The following RPGR variants were observed in gnomAD, a reference collection of about 807,000 sequenced individuals.
RPGR encodes the protein retinitis pigmentosa GTPase regulator.
RPGR carries 10 observed loss-of-function variants against 56.3 expected under a neutral mutation model. The observed-to-expected ratio is 0.18, with a 90% CI of 0.11 to 0.30. The LOEUF (loss-of-function observed/expected upper bound fraction) is 0.30. Among genes scored for constraint, RPGR ranks in the 10% least tolerant of loss-of-function variants. The pLI, the probability that RPGR is intolerant of heterozygous loss-of-function variation, is 1.00. For missense variants in RPGR, 538 were observed against 590.9 expected (o/e 0.91, Z 0.93); for synonymous variants, 197 against 212.9 (o/e 0.93, Z 0.65).
rs62638631 is a variant in RPGR at position 38,323,412 on chromosome X, A to C, written c.141T>G (p.Ser47=). The C allele has an allele frequency of 4.2e-4, 512 of 1,204,786 alleles. No individual in the cohort carries two copies. The Middle Eastern group carries it at 9.0e-3, about 21-fold the overall frequency. The change falls in exon 2 of 19, where the codon TCT becomes TCG. Residue 47 remains serine, a synonymous_variant. Transcript: ENST00000642395. ...TGTAATACTAACCGGTAACAACAGC[A>C]GAATGTTCATCTCCACATGAAAGAT...
At chrX:38,319,474 T>C (rs866097799) in intron 4 of RPGR, among the ~76,000 whole-genome samples, 3 of 111,946 alleles carry the variant, frequency 2.7e-5, no homozygotes, top group African/African-American at 9.7e-5. Context: ...CCTAGCTAAA[T>C]AGGAAGGCAC....
At chrX:38,272,895 A>G (rs1044917078) in intron 18 of RPGR, among the ~76,000 whole-genome samples, 1 of 112,183 alleles carries the variant, frequency 8.9e-6, no homozygotes, top group Non-Finnish European at 1.9e-5. Flanking sequence ...TTCAGGAAGA[A>G]TAAGAATTCC....
intron 6 of RPGR, among the ~76,000 whole-genome samples, chrX:38,316,474 G>A (rs2067830877): frequency 9.0e-6 from 1 of 111,686 alleles, no homozygotes; most frequent in African/African-American, 3.3e-5. Context: ...TTGTTTGGTT[G>A]GCTTATTTTC....
rs3896245 is a variant in RPGR at position 38,273,642 on chromosome X, A to C, written c.2150-165T>G. 2,805 of 387,126 alleles carry C rather than the reference A, an allele frequency of 7.2e-3. 53 individuals carry two copies. Among genetic ancestry groups the C allele is most frequent in the African/African-American group, 0.063 (2,514 of 39,712 alleles). The allele number at this position is 387,126 out of a possible 1,213,427, so 31.9% of individuals were successfully genotyped here. A position where few individuals can be genotyped will look rare whatever the true frequency, so the allele number is the denominator to read the frequency against. On this transcript the variant is annotated intron_variant, in intron 17 of 18. Transcript: ENST00000642395. ...ACACTGCATATTTCCTGAAAAGTTG[A>C]GTTAAAGTGAAAAGCCCAGAATGAC... is the stretch of plus-strand genomic sequence containing the variant.
chrX:38,282,393 T>C (rs2067047141), intron 15 of RPGR, among the ~76,000 whole-genome samples: 1 of 111,455 alleles, frequency 9.0e-6, no homozygotes, highest in Non-Finnish European at 1.9e-5. Context: ...CTGACATTTC[T>C]CTGAATTCTG....
At chrX:38,279,301 A>C (rs1448730009) in intron 15 of RPGR, 2 of 292,900 alleles carry the variant, frequency 6.8e-6, no homozygotes, top group Non-Finnish European at 1.3e-5. Context: ...AATGGTCAGT[A>C]TATGTCTGTG....
At chrX:38,291,142 T>C (rs2067273165) in intron 12 of RPGR, 118 bp from the exon 13 acceptor site, 1 of 175,723 alleles carries the variant, frequency 5.7e-6, no homozygotes, top group Non-Finnish European at 1.0e-5. Context: ...TATATATATA[T>C]ATATAAAATG....
intron 15 of RPGR, chrX:38,285,742 T>C: frequency 2.5e-6 from 3 of 1,211,338 alleles, no homozygotes; most frequent in Non-Finnish European, 3.4e-6. Flanking sequence ...GCTCACTTTT[T>C]TGTACTCCTC....
At chrX:38,273,556 T>C (rs771380781) in intron 17 of RPGR, 10 of 757,865 alleles carry the variant, frequency 1.3e-5, no homozygotes, top group Admixed American at 5.1e-5. Context: ...TGAAACTCTA[T>C]GAACCCTGAG....
At chrX:38,292,834 G>C (rs2067310797) in intron 11 of RPGR, among the ~76,000 whole-genome samples, 2 of 111,360 alleles carry the variant, frequency 1.8e-5, no homozygotes, top group South Asian at 7.6e-4. Flanking sequence ...AGAAAGATGA[G>C]TAGAATTAGA....
intron 13 of RPGR, among the ~76,000 whole-genome samples, chrX:38,289,323 C>G (rs2067244722): frequency 9.0e-6 from 1 of 111,648 alleles, no homozygotes; most frequent in African/African-American, 3.3e-5. Context: ...ACAATAATTT[C>G]TATAAATGAA....
chrX:38,309,839 A>G (rs1190845958), intron 7 of RPGR, among the ~76,000 whole-genome samples: 1 of 110,004 alleles, frequency 9.1e-6, no homozygotes, highest in Non-Finnish European at 1.9e-5. Context: ...AAAAAAAAAC[A>G]GTTAAGGTCA....
chrX:38,289,958 G>A (rs1302634507), intron 13 of RPGR, among the ~76,000 whole-genome samples: 1 of 111,744 alleles, frequency 8.9e-6, no homozygotes, highest in Non-Finnish European at 1.9e-5. Context: ...CAAGAAAGGT[G>A]TCTGCTTGGA....
At chrX:38,275,064 T>A (rs1307700877) in intron 17 of RPGR, 1 of 1,145,302 alleles carries the variant, frequency 8.7e-7, no homozygotes, top group South Asian at 1.8e-5. Flanking sequence ...TATGTATATA[T>A]GTATGTTATC....
At chrX:38,290,872 TTTC>T in intron 13 of RPGR, 84 bp downstream of exon 13, 1 of 344,549 alleles carries the variant, frequency 2.9e-6, no homozygotes, top group Non-Finnish European at 5.4e-6. Context: ...AATGCTTACG[TTTC>T]TTGTGTTCTT....
At chrX:38,310,859 G>T in intron 6 of RPGR, 86 bp from the exon 7 acceptor site, 1 of 830,889 alleles carries the variant, frequency 1.2e-6, no homozygotes, top group Non-Finnish European at 1.8e-6. Flanking sequence ...TTTTGACAAG[G>T]ATCACTTAAT....
rs184241698 is a variant in RPGR at position 38,282,926 on chromosome X, T to C, written c.1905+4168A>G. On this transcript the variant is annotated intron_variant, in intron 15 of 18. Coordinates refer to ENST00000642395, the MANE Select transcript of RPGR (RefSeq NM_000328.3). ...CTACTCACACTTCCCTCAATAATGA[T>C]CAGTAATAAACTACTATAAAAGCCT... Among the ~76,000 whole-genome samples the C allele has an allele frequency of 9.2e-3, 1,024 of 111,313 alleles. 16 individuals carry two copies. The highest frequency in any genetic ancestry group is 0.032 in the African/African-American group (966 of 30,658).
At chrX:38,326,307 A>C (rs1038377286) in intron 1 of RPGR, among the ~76,000 whole-genome samples, 1 of 111,896 alleles carries the variant, frequency 8.9e-6, no homozygotes, top group Non-Finnish European at 1.9e-5. Flanking sequence ...TCCGGCCAGG[A>C]GCATGGAAGA....
intron 13 of RPGR, among the ~76,000 whole-genome samples, chrX:38,288,653 C>A (rs1372763470): frequency 9.0e-6 from 1 of 111,512 alleles, no homozygotes; most frequent in Non-Finnish European, 1.9e-5. Flanking sequence ...TGCAGTGAGC[C>A]AAGATTGTGC....
Sources: allele counts gnomAD v4.1 joint callset (sites outside exome capture counted in the v4.1 genomes callset), GRCh38; gene constraint gnomAD v4.1.1; transcripts MANE v1.5; gene names NCBI Gene and HGNC (gene_info 2026-07-23, HGNC 2026-07-21).